PRKCH: variants seen among roughly 807,000 people sequenced by gnomAD.
PRKCH encodes the protein protein kinase C eta type.
A neutral mutation model predicts 82.5 loss-of-function variants in PRKCH; 28 were observed. That is an observed-to-expected ratio of 0.34 (90% confidence interval 0.25 to 0.47). The LOEUF (loss-of-function observed/expected upper bound fraction) is 0.47, where lower values mean the gene tolerates loss of function less well. PRKCH is among the 20% of genes least tolerant of loss of function. The pLI, the probability that PRKCH is intolerant of heterozygous loss-of-function variation, is 1.00. For missense variants in PRKCH, 705 were observed against 881.8 expected (o/e 0.80, Z 2.54); for synonymous variants, 322 against 327.4 (o/e 0.98, Z 0.18).
At chr14:61,544,857 C>G (rs147915299) in intron 12 of PRKCH, among the ~76,000 whole-genome samples, 165 of 152,324 alleles carry the variant, frequency 1.1e-3, no homozygotes, top group African/African-American at 3.8e-3. Flanking sequence ...CTCTTCACTC[C>G]CATTCCCGGC....
chr14:61,435,553 G>A (rs552266655), intron 2 of PRKCH, among the ~76,000 whole-genome samples: 4 of 152,276 alleles, frequency 2.6e-5, no homozygotes, highest in South Asian at 2.1e-4. Context: ...GCTAGAAGCC[G>A]GAGCTGGCCA....
intron 1 of PRKCH, among the ~76,000 whole-genome samples, chr14:61,381,293 A>G (rs1011584171): frequency 1.3e-5 from 2 of 152,196 alleles, no homozygotes; most frequent in African/African-American, 2.4e-5. Flanking sequence ...GTGGACCAGT[A>G]AAGGCTTTAA....
At chr14:61,342,097 TG>T (rs1447936474) in intron 1 of PRKCH, among the ~76,000 whole-genome samples, 1 of 152,100 alleles carries the variant, frequency 6.6e-6, no homozygotes, top group Non-Finnish European at 1.5e-5. Flanking sequence ...GACCAGCCTC[TG>T]CAGTGTAACT....
At chr14:61,363,988 G>GTGTGTGTGTATATATA (rs1424175886) in intron 1 of PRKCH, among the ~76,000 whole-genome samples, 2 of 145,242 alleles carry the variant, frequency 1.4e-5, no homozygotes, top group African/African-American at 5.1e-5. Context: ...GTGTATATGT[G>GTGTGTGTGTATATATA]TGTGTGTATA....
At chr14:61,449,136 T>A in intron 4 of PRKCH, 28 bp from the exon 5 acceptor site, 1 of 1,597,680 alleles carries the variant, frequency 6.3e-7, no homozygotes, top group Non-Finnish European at 8.6e-7. Context: ...TTCTGATAAA[T>A]GTATAATTGC....
At chr14:61,394,215 C>T (rs1392934464) in intron 2 of PRKCH, among the ~76,000 whole-genome samples, 1 of 151,888 alleles carries the variant, frequency 6.6e-6, no homozygotes, top group Non-Finnish European at 1.5e-5. Flanking sequence ...ATTATTAAAT[C>T]TTGTCTTTTT....
chr14:61,187,685 G>A (rs899052604), intron 1 of PRKCH: 2 of 152,236 alleles, frequency 1.3e-5, no homozygotes, highest in African/African-American at 4.8e-5. Context: ...ATGTGCTTGA[G>A]TGCACAAAAA....
chr14:61,460,421 A>T (rs1332488956), intron 9 of PRKCH, among the ~76,000 whole-genome samples: 1 of 152,204 alleles, frequency 6.6e-6, no homozygotes, highest in Non-Finnish European at 1.5e-5. Flanking sequence ...GCTTGGTCAA[A>T]GGGTATATGC....
chr14:61,252,479 AC>A lies in PRKCH; in HGVS notation c.-19+64813del, dbSNP rs545225002. 1.5e-3 allele frequency among the ~76,000 whole-genome samples: 221 copies of A among 152,282 alleles called. 1 individual carries two copies. Among genetic ancestry groups the A allele is most frequent in the Non-Finnish European group, 1.9e-3 (132 of 68,030 alleles). Reference sequence around the variant, plus strand: ...CTTAGTGGACAATCACTTGAGATGCACCAAGGGTTGGACCACCTTGCTCTGC... The same window carrying A: ...CTTAGTGGACAATCACTTGAGATGCACAAGGGTTGGACCACCTTGCTCTGC... On this transcript the variant is annotated intron_variant, in intron 1 of 3. Transcript: ENST00000555185.
At chr14:61,451,111 C>G (rs2033906394) in intron 6 of PRKCH, 140 bp downstream of exon 6, 2 of 1,158,036 alleles carry the variant, frequency 1.7e-6, no homozygotes, top group Middle Eastern at 2.5e-4. Flanking sequence ...TCATTTTAAA[C>G]TTACATGTTT....
chr14:61,267,267 A>G (rs751426999), intron 1 of PRKCH, among the ~76,000 whole-genome samples: 1 of 152,252 alleles, frequency 6.6e-6, no homozygotes, highest in Non-Finnish European at 1.5e-5. Flanking sequence ...GCATACTCAC[A>G]TACAATTCAG....
At chr14:61,314,064 C>T (rs1169854242) in intron 1 of PRKCH, among the ~76,000 whole-genome samples, 2 of 152,134 alleles carry the variant, frequency 1.3e-5, no homozygotes, top group East Asian at 3.9e-4. Context: ...GATATTTTTG[C>T]CTCATTTGGT....
intron 1 of PRKCH, among the ~76,000 whole-genome samples, chr14:61,357,992 A>G (rs1056707022): frequency 6.6e-6 from 1 of 151,972 alleles, no homozygotes; most frequent in Non-Finnish European, 1.5e-5. Context: ...AGCCTCCTTA[A>G]ATTTTCCAGG....
chr14:61,236,717 A>AAAAC (rs1239723028), intron 1 of PRKCH, among the ~76,000 whole-genome samples: 15 of 146,568 alleles, frequency 1.0e-4, no homozygotes, highest in African/African-American at 3.8e-4. Flanking sequence ...AAACAAAAAA[A>AAAAC]AAAAAAAAAA....
intron 1 of PRKCH, among the ~76,000 whole-genome samples, chr14:61,352,680 G>GAA (rs1491487648): frequency 2.2e-5 from 2 of 92,628 alleles, no homozygotes; most frequent in African/African-American, 8.3e-5. Context: ...GAGAGAGAGA[G>GAA]AAAGGAAAGG....
rs576281397 is a variant in PRKCH, at chr14:61,309,242, G to A, written c.-19+121574G>A. ...GGCTGCAGTGAGCCGTGATTGTGCC[G>A]GTGCACTCCAACCTAGCTGACAGGA... On this transcript the variant is annotated intron_variant, in intron 1 of 3. Coordinates refer to the PRKCH transcript ENST00000555185. Among the ~76,000 whole-genome samples, 10 of 152,168 alleles carry A rather than the reference G, an allele frequency of 6.6e-5. No homozygotes were observed. The East Asian group carries it at 7.8e-4, about 12-fold the overall frequency.
At chr14:61,215,972 T>C (rs1256743475) in intron 1 of PRKCH, among the ~76,000 whole-genome samples, 1 of 152,188 alleles carries the variant, frequency 6.6e-6, no homozygotes, top group Admixed American at 6.5e-5. Flanking sequence ...CAACAAGGGC[T>C]TCTGGGATTC....
intron 11 of PRKCH, 122 bp downstream of exon 11, chr14:61,529,335 C>G: frequency 3.3e-6 from 4 of 1,201,690 alleles, no homozygotes; most frequent in Non-Finnish European, 4.5e-6. Flanking sequence ...TGTCTAGAGC[C>G]GACACCTCTA....
intron 11 of PRKCH, 104 bp downstream of exon 11, chr14:61,529,317 T>G: frequency 7.1e-7 from 1 of 1,404,452 alleles, no homozygotes; most frequent in Non-Finnish European, 9.5e-7. Flanking sequence ...GGAGGCAGCA[T>G]TGAAAGGTGT....
Sources: allele counts gnomAD v4.1 joint callset (sites outside exome capture counted in the v4.1 genomes callset), GRCh38; gene constraint gnomAD v4.1.1; transcripts MANE v1.5; gene names NCBI Gene and HGNC (gene_info 2026-07-23, HGNC 2026-07-21).